SVEP1: variants seen among roughly 807,000 people sequenced by gnomAD.
The protein encoded by SVEP1 is sushi, von Willebrand factor type A, EGF and pentraxin domain containing 1, also known as sushi, von Willebrand factor type A, EGF and pentraxin domain-containing protein 1.
Under a neutral mutation model 367.3 loss-of-function variants are expected in SVEP1, and 164 were observed. The ratio of observed to expected loss-of-function variants is 0.45; its 90% CI spans 0.39 to 0.51. SVEP1 has a LOEUF of 0.51. Ranked by LOEUF, SVEP1 falls within the 20% of genes least tolerant of loss-of-function variation. The pLI is 0.00. For synonymous variants in SVEP1, 1,666 were observed against 1,611.6 expected (o/e 1.03, Z -0.81); for missense variants, 4,117 against 4,425.3 (o/e 0.93, Z 1.98).
In SVEP1 at chr9:110,471,489, T is replaced by A. The variant is rs370777266; in HGVS notation, c.2873A>T (p.Asn958Ile). The A allele has an allele frequency of 9.9e-6, 16 of 1,613,968 alleles. No individual in the cohort carries two copies. The highest frequency in any genetic ancestry group is 1.3e-5 in the Non-Finnish European group (15 of 1,179,852). The change falls in exon 16 of 48, where the codon AAC becomes ATC. Residue 958 changes from asparagine (N) to isoleucine (I), a missense_variant. Asn to Ile is a moderately radical substitution (Grantham distance 149, BLOSUM62 -3). This residue lies in a region of SVEP1 where 2,174 missense variants were observed against 2,494.3 expected (regional missense o/e 0.87). Transcript: ENST00000374469. Reference sequence around the variant, plus strand: ...CTGAAAGGAATACATGGGGTCTTTGTTGAGAGTCCTTTTCAGTTTATTTGT... The same window carrying A: ...CTGAAAGGAATACATGGGGTCTTTGATGAGAGTCCTTTTCAGTTTATTTGT... ...TITNKLKRTL[N>I]KDPMYSFQLA...
chr9:110,513,518 A>G (rs1401275184), intron 4 of SVEP1, among the ~76,000 whole-genome samples: 2 of 152,196 alleles, frequency 1.3e-5, no homozygotes, highest in Non-Finnish European at 2.9e-5. Context: ...CACATGGTAT[A>G]TGCTATTTAA....
At position 110,387,343 on chromosome 9, in the gene SVEP1, T is replaced by C. The variant is rs767097945; in HGVS notation, c.10002A>G (p.Pro3334=). ...CATTTTCTGTGCAGTGTGCCTCAGA[T>C]GGCCCTTCAAGACTGTAGCCTCTGT... ...SCNRGYSLEG[P]SEAHCTENGT... Residue 3334 remains proline (P), a synonymous_variant, in exon 42 of 48, where the codon CCA becomes CCG. Transcript: ENST00000374469. The C allele has an allele frequency of 1.2e-6, 2 of 1,613,296 alleles. No individual in the cohort carries two copies. The highest frequency in any genetic ancestry group is 2.2e-5 in the South Asian group (2 of 90,960).
At chr9:110,478,461 A>T (rs983863017) in intron 13 of SVEP1, among the ~76,000 whole-genome samples, 4 of 152,186 alleles carry the variant, frequency 2.6e-5, no homozygotes, top group African/African-American at 9.7e-5. Flanking sequence ...CCCTTATAGC[A>T]CCTTTAACCT....
At chr9:110,440,008 A>T (rs1312901426) in intron 27 of SVEP1, among the ~76,000 whole-genome samples, 1 of 152,322 alleles carries the variant, frequency 6.6e-6, no homozygotes, top group East Asian at 1.9e-4. Flanking sequence ...ACATAAAATG[A>T]AGTCAATAAA....
chr9:110,380,141 G>C (rs893227113), intron 43 of SVEP1, among the ~76,000 whole-genome samples: 1 of 152,122 alleles, frequency 6.6e-6, no homozygotes, highest in South Asian at 2.1e-4. Context: ...GTGATAGATT[G>C]GATGACAATC....
Position 110,489,792 on chromosome 9 carries a change from C to A in SVEP1, c.1801-13G>T, listed in dbSNP as rs762213341. 1.3e-6 allele frequency: 2 copies of A among 1,594,392 alleles called. No homozygotes were observed. Among genetic ancestry groups the A allele is most frequent in the South Asian group, 1.2e-5 (1 of 86,672 alleles). ...CGTGGACTGACACCTATTGGAGATA[C>A]ACAAATATTTTGAAAGTTAATGTCA... is the stretch of plus-strand genomic sequence containing the variant. On this transcript the variant is annotated splice_polypyrimidine_tract_variant and intron_variant, in intron 8 of 47. Coordinates refer to ENST00000374469, the MANE Select transcript of SVEP1 (RefSeq NM_153366.4).
intron 40 of SVEP1, among the ~76,000 whole-genome samples, chr9:110,393,239 A>C (rs1001976864): frequency 1.3e-5 from 2 of 152,194 alleles, no homozygotes; most frequent in Non-Finnish European, 2.9e-5. Context: ...ACAGGAAAAC[A>C]CTCCGAATGT....
At position 110,397,724 on chromosome 9, in the gene SVEP1, A is replaced by G. The variant is rs190119413; in HGVS notation, c.9822+3130T>C. The stretch of plus-strand genomic sequence containing the variant: ...AAGAGAAACAGAGAGCCAAATCATG[A>G]GTGAACTCCCATTCACAATTGCTTC... On this transcript the variant is annotated intron_variant, in intron 40 of 47. Transcript: ENST00000374469. Among the ~76,000 whole-genome samples, 8 of 152,306 alleles carry G rather than the reference A, an allele frequency of 5.3e-5. No individual in the cohort carries two copies. In the East Asian group the frequency reaches 1.4e-3, roughly 26 times the overall value.
intron 3 of SVEP1, among the ~76,000 whole-genome samples, chr9:110,516,251 C>T (rs147729816): frequency 2.0e-5 from 3 of 150,534 alleles, no homozygotes; most frequent in African/African-American, 7.3e-5. Flanking sequence ...TAAAACATTA[C>T]AATATACTAA....
intron 46 of SVEP1, among the ~76,000 whole-genome samples, chr9:110,371,868 C>CAT (rs1414158030): frequency 2.2e-4 from 33 of 147,530 alleles, no homozygotes; most frequent in African/African-American, 7.8e-4. Flanking sequence ...CAATGAATCT[C>CAT]TCTATTGTAA....
intron 27 of SVEP1, chr9:110,442,430 C>CA (rs1282217400): frequency 6.6e-6 from 1 of 151,112 alleles, no homozygotes; most frequent in African/African-American, 2.4e-5. Context: ...TAAAGTGAAA[C>CA]AATACATGGA....
chr9:110,452,698 G>A (rs897774851), intron 22 of SVEP1, among the ~76,000 whole-genome samples: 5 of 152,200 alleles, frequency 3.3e-5, no homozygotes, highest in African/African-American at 7.2e-5. Context: ...CAAGCCACAC[G>A]CTTTGGTGTT....
Position 110,406,769 on chromosome 9 carries a change from C to G in SVEP1, c.8831G>C (p.Cys2944Ser), listed in dbSNP as rs1689539250. 1.9e-6 allele frequency: 3 copies of G among 1,613,888 alleles called. No individual in the cohort carries two copies. Among genetic ancestry groups the G allele is most frequent in the East Asian group, 2.2e-5 (1 of 44,900 alleles). The change falls in exon 38 of 48, where the codon TGT becomes TCT. Residue 2944 changes from cysteine (C) to serine (S), a missense_variant. Cys to Ser is a moderately radical substitution (Grantham distance 112, BLOSUM62 -1). Transcript: ENST00000374469. The part of the protein sequence containing the change: ...DGNWDAEIPL[C>S]KPVNCGPPED... ...AGGAGGTCCACAGTTGACTGGTTTA[C>G]AGAGAGGAATCTCTGCATCCCAGTT...
intron 13 of SVEP1, among the ~76,000 whole-genome samples, chr9:110,477,574 T>C (rs1829114645): frequency 6.6e-6 from 1 of 152,074 alleles, no homozygotes; most frequent in South Asian, 2.1e-4. Flanking sequence ...ATTCTTACTC[T>C]CAGATGATCA....
chr9:110,394,464 C>T (rs551002316), intron 40 of SVEP1, among the ~76,000 whole-genome samples: 28 of 152,290 alleles, frequency 1.8e-4, no homozygotes, highest in East Asian at 3.9e-4. Context: ...TCCAAAGGAA[C>T]GCAGCTCCTC....
At chr9:110,463,200 G>T (rs917178747) in intron 18 of SVEP1, among the ~76,000 whole-genome samples, 1 of 108,094 alleles carries the variant, frequency 9.3e-6, no homozygotes, top group Non-Finnish European at 1.9e-5. Flanking sequence ...TTCTCCTATA[G>T]ATCATATATT....
intron 44 of SVEP1, among the ~76,000 whole-genome samples, chr9:110,377,777 T>G (rs1250697576): frequency 6.6e-6 from 1 of 152,202 alleles, no homozygotes; most frequent in African/African-American, 2.4e-5. Context: ...AATACAGTAT[T>G]GTTAACTACA....
chr9:110,433,301 C>T (rs748200362), intron 30 of SVEP1, among the ~76,000 whole-genome samples: 7 of 138,458 alleles, frequency 5.1e-5, no homozygotes, highest in Non-Finnish European at 7.5e-5. Context: ...GGAGTTACAG[C>T]AGTGAGCCAA....
rs1363246745 is a variant in SVEP1 at position 110,385,995 on chromosome 9, C to T, written c.10140G>A (p.Val3380=). 1.9e-6 allele frequency: 3 copies of T among 1,613,794 alleles called. No homozygotes were observed. The highest frequency in any genetic ancestry group is 2.5e-6 in the Non-Finnish European group (3 of 1,179,866). ...GAAAACCTTCCCTACATTTGATGGA[C>T]ACATTCTGATCAACATAAAACTCCT... is the stretch of plus-strand genomic sequence containing the variant. ...SEKEFYVDQN[V]SIKCREGFLL... The change falls in exon 43 of 48, where the codon GTG becomes GTA. Residue 3380 remains valine (V), a synonymous_variant. Transcript: ENST00000374469.
Sources: allele counts gnomAD v4.1 joint callset (sites outside exome capture counted in the v4.1 genomes callset), GRCh38; gene constraint gnomAD v4.1.1; regional missense constraint gnomAD v4.1.1; transcripts MANE v1.5; gene names NCBI Gene and HGNC (gene_info 2026-07-23, HGNC 2026-07-21).